The following LTBP1 variants were observed in gnomAD, a reference collection of about 807,000 sequenced individuals.
LTBP1 encodes latent-transforming growth factor beta-binding protein 1.
A neutral mutation model predicts 207.6 loss-of-function variants in LTBP1; 129 were observed. The observed-to-expected ratio is 0.62, with a 90% confidence interval of 0.54 to 0.72. The LOEUF is 0.72. LTBP1 is among the 30% of genes least tolerant of loss of function. The probability of loss-of-function intolerance (pLI) is 0.00; values close to 1 mark genes in which losing one functional copy is unlikely to be tolerated. For synonymous variants in LTBP1, 963 were observed against 833.7 expected, an observed-to-expected ratio of 1.16 and a Z score of -2.67; for missense variants, 2,281 against 2,217.2, an observed-to-expected ratio of 1.03 and a Z score of -0.58.
Position 33,364,368 on chromosome 2 carries a change from G to T in LTBP1, c.4540+12G>T, listed in dbSNP as rs1215156637. On this transcript the variant is annotated intron_variant, in intron 30 of 33. Transcript: ENST00000404816. ...GGCTGAGTCAAACGGTATGTTTCCA[G>T]GAGATGCAAACCTGTGTCCAAATAA... 6.2e-7 allele frequency: 1 copy of T among 1,608,320 alleles called. No individual in the cohort carries two copies. Among genetic ancestry groups the T allele is most frequent in the Non-Finnish European group, 8.5e-7 (1 of 1,178,356 alleles).
intron 3 of LTBP1, among the ~76,000 whole-genome samples, chr2:33,090,530 C>G (rs950170978): frequency 2.6e-5 from 4 of 152,098 alleles, no homozygotes; most frequent in African/African-American, 7.2e-5. Flanking sequence ...CGTGAATTAC[C>G]CATTTCATTC....
At chr2:32,959,795 A>G (rs147995058) in intron 2 of LTBP1, among the ~76,000 whole-genome samples, 2,211 of 150,506 alleles carry the variant, frequency 0.015, 43 homozygotes, top group African/African-American at 0.049. Context: ...TAATTTTTAT[A>G]TTTTTAGTAG....
At chr2:33,268,531 TG>T (rs1259393457) in intron 15 of LTBP1, among the ~76,000 whole-genome samples, 6 of 152,230 alleles carry the variant, frequency 3.9e-5, no homozygotes, top group African/African-American at 7.2e-5. Flanking sequence ...AGGAAATACG[TG>T]TGATGTTTTC....
chr2:33,306,569 C>CAA (rs976065557), intron 22 of LTBP1, among the ~76,000 whole-genome samples: 2 of 138,030 alleles, frequency 1.4e-5, no homozygotes, highest in South Asian at 2.3e-4. Flanking sequence ...AACTCAGTCT[C>CAA]AAAAAAAAAA....
At chr2:33,277,990 C>T (rs552179151) in intron 18 of LTBP1, among the ~76,000 whole-genome samples, 78 of 151,350 alleles carry the variant, frequency 5.2e-4, no homozygotes, top group African/African-American at 1.8e-3. Context: ...CCACCATGCC[C>T]GGCTAATTTT....
chr2:33,235,340 C>T (rs1367783543), intron 9 of LTBP1, among the ~76,000 whole-genome samples: 1 of 152,124 alleles, frequency 6.6e-6, no homozygotes, highest in Non-Finnish European at 1.5e-5. Flanking sequence ...CAAATCAAAA[C>T]CACAATGAGA....
intron 7 of LTBP1, among the ~76,000 whole-genome samples, chr2:33,206,545 C>T (rs1249445274): frequency 6.6e-6 from 1 of 151,988 alleles, no homozygotes; most frequent in Non-Finnish European, 1.5e-5. Flanking sequence ...TCGAGACCAT[C>T]CTGGCCGACA....
intron 31 of LTBP1, among the ~76,000 whole-genome samples, chr2:33,378,849 T>A (rs981646264): frequency 6.6e-6 from 1 of 152,178 alleles, no homozygotes; most frequent in African/African-American, 2.4e-5. Context: ...TAAATTTTAT[T>A]CTCCTTTTAT....
chr2:33,022,836 T>G (rs1021212389), intron 3 of LTBP1, among the ~76,000 whole-genome samples: 18 of 152,220 alleles, frequency 1.2e-4, no homozygotes, highest in African/African-American at 3.9e-4. Flanking sequence ...CTAATAAAAC[T>G]TTATGGACAT....
At chr2:32,970,204 T>C (rs961586124) in intron 2 of LTBP1, among the ~76,000 whole-genome samples, 1 of 152,246 alleles carries the variant, frequency 6.6e-6, no homozygotes, top group Admixed American at 6.5e-5. Flanking sequence ...TTTTCTTCCA[T>C]TCTGTGAGTT....
chr2:33,059,039 A>G (rs1161560734), intron 3 of LTBP1, among the ~76,000 whole-genome samples: 1 of 152,204 alleles, frequency 6.6e-6, no homozygotes, highest in Non-Finnish European at 1.5e-5. Context: ...AGTGATCTTC[A>G]TTAAATTAAG....
At chr2:33,054,367 G>C (rs992563472) in intron 3 of LTBP1, among the ~76,000 whole-genome samples, 7 of 152,148 alleles carry the variant, frequency 4.6e-5, no homozygotes, top group African/African-American at 1.7e-4. Flanking sequence ...AAGGAAAAAT[G>C]GTGGGATCTT....
chr2:33,308,010 TC>T (rs1558985946), intron 22 of LTBP1, among the ~76,000 whole-genome samples: 1 of 152,242 alleles, frequency 6.6e-6, no homozygotes, highest in Non-Finnish European at 1.5e-5. Context: ...ATTCACTTCT[TC>T]CTGGAATCTC....
chr2:33,295,533 CAAT>C (rs2093857961), intron 20 of LTBP1, among the ~76,000 whole-genome samples: 1 of 151,604 alleles, frequency 6.6e-6, no homozygotes, highest in Admixed American at 6.6e-5. Flanking sequence ...AATAGAGTCT[CAAT>C]GATGATAATA....
intron 3 of LTBP1, among the ~76,000 whole-genome samples, chr2:33,089,431 C>T (rs1327596471): frequency 6.6e-6 from 1 of 152,120 alleles, no homozygotes; most frequent in Non-Finnish European, 1.5e-5. Context: ...TGTCTGGAGA[C>T]ATCATTAGTT....
At chr2:33,216,702 G>T (rs920681103) in intron 7 of LTBP1, among the ~76,000 whole-genome samples, 2 of 152,170 alleles carry the variant, frequency 1.3e-5, no homozygotes, top group African/African-American at 4.8e-5. Context: ...AGCAGGGGTG[G>T]AGAGTCAGCT....
chr2:32,983,700 C>A (rs189177505), intron 2 of LTBP1, among the ~76,000 whole-genome samples: 9 of 152,292 alleles, frequency 5.9e-5, no homozygotes, highest in Admixed American at 2.6e-4. Flanking sequence ...TTATAAAGGG[C>A]AGTTCCCCTG....
At chr2:33,183,659 A>G (rs1159939863) in intron 5 of LTBP1, among the ~76,000 whole-genome samples, 1 of 152,164 alleles carries the variant, frequency 6.6e-6, no homozygotes, top group Non-Finnish European at 1.5e-5. Context: ...CCAGTTATAA[A>G]TTCTTTGTAG....
intron 3 of LTBP1, among the ~76,000 whole-genome samples, chr2:33,031,656 A>G (rs1230875158): frequency 6.6e-6 from 1 of 152,218 alleles, no homozygotes; most frequent in East Asian, 1.9e-4. Context: ...AAAGTGAAGG[A>G]GAGTCTGGCC....
Sources: allele counts gnomAD v4.1 joint callset (sites outside exome capture counted in the v4.1 genomes callset), GRCh38; gene constraint gnomAD v4.1.1; transcripts MANE v1.5; gene names NCBI Gene and HGNC (gene_info 2026-07-23, HGNC 2026-07-21).